METTL25B: variants seen among roughly 807,000 people sequenced by gnomAD.
METTL25B encodes the protein methyltransferase-like protein 25B.
Under a neutral mutation model 48.4 loss-of-function variants are expected in METTL25B, and 38 were observed. The observed-to-expected ratio is 0.78, with a 90% CI of 0.61 to 1.03. The LOEUF is 1.03. METTL25B is among the 50% of genes least tolerant of loss of function. METTL25B has a pLI of 0.00. For synonymous variants in METTL25B, 230 were observed against 254.5 expected, an observed-to-expected ratio of 0.90 and a Z score of 0.92; for missense variants, 537 against 603.7, an observed-to-expected ratio of 0.89 and a Z score of 1.16.
intron 1 of METTL25B, 80 bp from the exon 2 acceptor site, chr1:156,731,911 T>G: frequency 1.3e-6 from 2 of 1,560,760 alleles, no homozygotes; most frequent in Non-Finnish European, 1.8e-6. Context: ...AGGCAGGCAA[T>G]GAGGTGTGTA....
At chr1:156,732,502 G>A (rs764654586) in intron 3 of METTL25B, 29 bp downstream of exon 3, 2 of 1,607,156 alleles carry the variant, frequency 1.2e-6, no homozygotes, top group Non-Finnish European at 1.7e-6. Context: ...CATGGGTGGT[G>A]TCTGGGAGCC....
Position 156,734,580 on chromosome 1 carries a change from G to A in METTL25B, c.1121+87G>A, listed in dbSNP as rs1649585556. ...GGAGTCTGGCTCTGTTGCCCAGGCT[G>A]GAGTGCAGTGGAGCGATCTCGGCTC... On this transcript the variant is annotated intron_variant, in intron 6 of 7. Transcript: ENST00000368216. 5 of 1,352,472 alleles carry A rather than the reference G, an allele frequency of 3.7e-6. No homozygotes were observed. In the South Asian group the frequency reaches 6.1e-5, roughly 17 times the overall value. 83.8% of individuals were successfully genotyped at this position (1,352,472 alleles called of 1,614,324 possible). A position where few individuals can be genotyped will look rare whatever the true frequency, so the allele number is the denominator to read the frequency against.
Position 156,736,620 on chromosome 1 carries a change from C to T in METTL25B, c.1307-12C>T, listed in dbSNP as rs775011822. On this transcript the variant is annotated splice_polypyrimidine_tract_variant and intron_variant, in intron 7 of 7. Transcript: ENST00000368216. ...TTCATTCTTCCCCTTATGATTAAGCCCTTTCTCCCAGGTTTCCATGCTGAG... is the reference window on the plus strand; with the variant it reads ...TTCATTCTTCCCCTTATGATTAAGCTCTTTCTCCCAGGTTTCCATGCTGAG... The T allele has an allele frequency of 4.3e-6, 7 of 1,613,750 alleles. No homozygotes were observed. In the South Asian group the frequency reaches 6.6e-5, roughly 15 times the overall value.
chr1:156,728,539 C>G lies in METTL25B; in HGVS notation c.-566C>G, dbSNP rs1315215578. 35 of 985,658 alleles carry G rather than the reference C, an allele frequency of 3.6e-5. No homozygotes were observed. In the South Asian group the frequency reaches 1.1e-3, roughly 30 times the overall value. The allele number at this position is 985,658 out of a possible 1,614,324, so 61.1% of individuals were successfully genotyped here. A position where few individuals can be genotyped will look rare whatever the true frequency, so the allele number is the denominator to read the frequency against. On this transcript the variant is annotated 5_prime_UTR_variant, in exon 1 of 8. Transcript: ENST00000368216. ...CGCGCCAGAGGTCGGCGCGCGCACA[C>G]CCGCACCGCCCCGACCCCAGGTAGT...
Position 156,733,566 on chromosome 1 carries a change from C to T in METTL25B, c.636+46C>T, listed in dbSNP as rs573638999. Reference sequence around the variant, plus strand: ...ACCTGGACTGCAGGAGCAGGGGCTGCTTGGCTGGAATTGAGCACAGAGGCT... The same window carrying T: ...ACCTGGACTGCAGGAGCAGGGGCTGTTTGGCTGGAATTGAGCACAGAGGCT... On this transcript the variant is annotated intron_variant, in intron 5 of 7. Transcript: ENST00000368216. 3.4e-5 allele frequency: 55 copies of T among 1,599,184 alleles called. 1 individual carries two copies. The South Asian group carries it at 5.4e-4, about 16-fold the overall frequency.
intron 1 of METTL25B, among the ~76,000 whole-genome samples, chr1:156,729,922 G>C (rs1032524174): frequency 3.9e-5 from 6 of 152,214 alleles, no homozygotes; most frequent in Non-Finnish European, 7.3e-5. Flanking sequence ...CATTGATTCA[G>C]TGCTGTCCTT....
At position 156,736,896 on chromosome 1, in the gene METTL25B, C is replaced by T; in HGVS notation, c.*143C>T. The T allele has an allele frequency of 1.4e-6, 1 of 737,388 alleles. No individual in the cohort carries two copies. Among genetic ancestry groups the T allele is most frequent in the Non-Finnish European group, 2.2e-6 (1 of 463,450 alleles). The allele number at this position is 737,388 out of a possible 1,614,324, so 45.7% of individuals were successfully genotyped here. A position where few individuals can be genotyped will look rare whatever the true frequency, so the allele number is the denominator to read the frequency against. On this transcript the variant is annotated 3_prime_UTR_variant, in exon 8 of 8. Transcript: ENST00000368216. ...CAGTTTCATCCCCTTTCTCTCCTTC[C>T]ATGGATTATGTAATACATTGTAAAG...
In METTL25B at chr1:156,734,437, G is replaced by A. The variant is rs1649560292; in HGVS notation, c.1065G>A (p.Glu355=). The change falls in exon 6 of 8, where the codon GAG becomes GAA. Residue 355 remains glutamate, a synonymous_variant. Transcript: ENST00000368216. The part of the protein sequence containing the change: ...LETVIRRARP[E]LRRPGVQGIP... The stretch of plus-strand genomic sequence containing the variant: ...CAGTCATCCGACGGGCCCGGCCCGA[G>A]CTCCGTCGGCCAGGCGTGCAGGGTA... The A allele has an allele frequency of 1.2e-6, 2 of 1,605,956 alleles. No individual in the cohort carries two copies. The highest frequency in any genetic ancestry group is 1.1e-5 in the South Asian group (1 of 89,902).
intron 3 of METTL25B, 62 bp downstream of exon 3, chr1:156,732,535 T>G: frequency 6.6e-7 from 1 of 1,521,826 alleles, no homozygotes; most frequent in Non-Finnish European, 9.0e-7. Flanking sequence ...AAGCCTGGCT[T>G]ACAAATATGT....
At chr1:156,733,158 ATT>A in intron 4 of METTL25B, 111 bp downstream of exon 4, 2 of 1,151,982 alleles carry the variant, frequency 1.7e-6, no homozygotes, top group Non-Finnish European at 2.5e-6. Context: ...GAAGCGTGGA[ATT>A]TTTTTTTTCT....
Position 156,736,900 on chromosome 1 carries a change from G to T in METTL25B, c.*147G>T. On this transcript the variant is annotated 3_prime_UTR_variant, in exon 8 of 8. Transcript: ENST00000368216. ...TTCATCCCCTTTCTCTCCTTCCATG[G>T]ATTATGTAATACATTGTAAAGTTTT... 1 of 712,610 alleles carries T rather than the reference G, an allele frequency of 1.4e-6. No individual in the cohort carries two copies. The highest frequency in any genetic ancestry group is 2.3e-6 in the Non-Finnish European group (1 of 441,544). 44.1% of individuals were successfully genotyped at this position (712,610 alleles called of 1,614,324 possible).
chr1:156,728,842 C>G lies in METTL25B; in HGVS notation c.-263C>G. On this transcript the variant is annotated 5_prime_UTR_variant, in exon 1 of 8. Transcript: ENST00000368216. The stretch of plus-strand genomic sequence containing the variant: ...TCAGCGGCACGCTTTTGTGGCGTCA[C>G]TGCACTGTTACCCCGCCCTACGTGT... 1 of 782,750 alleles carries G rather than the reference C, an allele frequency of 1.3e-6. No individual in the cohort carries two copies. The highest frequency in any genetic ancestry group is 1.8e-6 in the Non-Finnish European group (1 of 568,118). 48.5% of individuals were successfully genotyped at this position (782,750 alleles called of 1,614,324 possible).
chr1:156,729,350 G>T (rs1401874942), intron 1 of METTL25B, 135 bp downstream of exon 1: 3 of 620,222 alleles, frequency 4.8e-6, no homozygotes, highest in Non-Finnish European at 8.4e-6. Context: ...TGTACAAGAA[G>T]GGGTTAAAAC....
At position 156,728,656 on chromosome 1, in the gene METTL25B, C is replaced by T; in HGVS notation, c.-449C>T. ...GGCGGGGGCGGGATGCGCTCCCCGG[C>T]CCCTCTAGCCCCGTGGTGGTACAAC... On this transcript the variant is annotated 5_prime_UTR_variant, in exon 1 of 8. Coordinates refer to ENST00000368216, the MANE Select transcript of METTL25B (RefSeq NM_015997.4). 1.0e-6 allele frequency: 1 copy of T among 986,118 alleles called. No individual in the cohort carries two copies. The allele number at this position is 986,118 out of a possible 1,614,324, so 61.1% of individuals were successfully genotyped here.
chr1:156,734,442 G>A lies in METTL25B; in HGVS notation c.1070G>A (p.Arg357His), dbSNP rs371296044. The stretch of plus-strand genomic sequence containing the variant: ...ATCCGACGGGCCCGGCCCGAGCTCC[G>A]TCGGCCAGGCGTGCAGGGTATCCCC... ...TVIRRARPELRRPGVQGIPRV... is the reference protein window; with the variant it reads ...TVIRRARPELHRPGVQGIPRV... Residue 357 changes from arginine (R) to histidine (H), a missense_variant, in exon 6 of 8, where the codon CGT becomes CAT. Transcript: ENST00000368216. The A allele has an allele frequency of 3.7e-5, 59 of 1,604,972 alleles. No individual in the cohort carries two copies. The highest frequency in any genetic ancestry group is 4.3e-5 in the Non-Finnish European group (50 of 1,175,960).
At chr1:156,730,508 G>A (rs1009757792) in intron 1 of METTL25B, among the ~76,000 whole-genome samples, 44 of 152,046 alleles carry the variant, frequency 2.9e-4, no homozygotes, top group African/African-American at 1.0e-3. Flanking sequence ...TGGATTGCCT[G>A]AGCTCAGGAG....
rs199878809 is a variant in METTL25B at position 156,733,019 on chromosome 1, C to G, written c.464C>G (p.Thr155Ser). Residue 155 changes from threonine to serine, a missense_variant, in exon 4 of 8, where the codon ACC (threonine) becomes AGC (serine). Physicochemically the swap from Thr to Ser is moderately conservative, Grantham distance 58 (BLOSUM62 1). Coordinates refer to ENST00000368216, the MANE Select transcript of METTL25B (RefSeq NM_015997.4). ...VKKLSDFTGCTQVVDVGSGQG... is the reference protein window; with the variant it reads ...VKKLSDFTGCSQVVDVGSGQG... Reference sequence around the variant, plus strand: ...AAGCTGAGTGATTTCACAGGCTGCACCCAGGTTGTAGACGTGGGCTCAGGC... The same window carrying G: ...AAGCTGAGTGATTTCACAGGCTGCAGCCAGGTTGTAGACGTGGGCTCAGGC... 1.2e-6 allele frequency: 2 copies of G among 1,614,144 alleles called. No individual in the cohort carries two copies. Among genetic ancestry groups the G allele is most frequent in the East Asian group, 4.5e-5 (2 of 44,866 alleles).
chr1:156,734,877 T>C (rs1649620012), intron 6 of METTL25B, among the ~76,000 whole-genome samples: 1 of 151,156 alleles, frequency 6.6e-6, no homozygotes, highest in Non-Finnish European at 1.5e-5. Flanking sequence ...ACTTTCAGCA[T>C]AGCCTAAAGA....
chr1:156,729,099 C>G lies in METTL25B; in HGVS notation c.-6C>G, dbSNP rs1181491159. ...TCGCTCCCCGCGCTCCCTGCTGGAC[C>G]CCGGGATGCCGGGCATCTCCGCCCG... On this transcript the variant is annotated 5_prime_UTR_variant, in exon 1 of 8. Coordinates refer to ENST00000368216, the MANE Select transcript of METTL25B (RefSeq NM_015997.4). 6.3e-7 allele frequency: 1 copy of G among 1,587,038 alleles called. No homozygotes were observed. Among genetic ancestry groups the G allele is most frequent in the Non-Finnish European group, 8.6e-7 (1 of 1,161,878 alleles).
Sources: gnomAD v4.1 joint callset for allele counts (sites outside exome capture counted in the v4.1 genomes callset) on GRCh38, gnomAD v4.1.1 for gene constraint, MANE v1.5 for transcripts, NCBI Gene and HGNC (gene_info 2026-07-23, HGNC 2026-07-21) for gene names.